Variants in CCNY observed in about 807,000 individuals in gnomAD.
The protein encoded by CCNY is cyclin Y.
A neutral mutation model predicts 42.8 loss-of-function variants in CCNY; 19 were observed. The ratio of observed to expected loss-of-function variants is 0.44; its 90% CI spans 0.31 to 0.65. The LOEUF (loss-of-function observed/expected upper bound fraction) is 0.65, where lower values mean the gene tolerates loss of function less well. Ranked by LOEUF, CCNY falls within the 30% of genes least tolerant of loss-of-function variation. The pLI, the probability that CCNY is intolerant of heterozygous loss-of-function variation, is 0.07. For synonymous variants in CCNY, 165 were observed against 162.7 expected (o/e 1.01, Z -0.11); for missense variants, 370 against 437.3 (o/e 0.85, Z 1.37).
At chr10:35,451,292 A>G (rs1441391776) in intron 1 of CCNY, among the ~76,000 whole-genome samples, 1 of 152,236 alleles carries the variant, frequency 6.6e-6, no homozygotes, top group Admixed American at 6.5e-5. Context: ...TTGCACCGTC[A>G]TGGACTGATA....
At chr10:35,366,271 C>T (rs1836805988) in intron 1 of CCNY, among the ~76,000 whole-genome samples, 1 of 152,112 alleles carries the variant, frequency 6.6e-6, no homozygotes, top group African/African-American at 2.4e-5. Flanking sequence ...AAATTAGATT[C>T]TTTTATTTTG....
At chr10:35,298,430 T>C (rs1835496276) in intron 3 of CCNY, among the ~76,000 whole-genome samples, 1 of 152,252 alleles carries the variant, frequency 6.6e-6, no homozygotes, top group Non-Finnish European at 1.5e-5. Context: ...TCTTTATGTC[T>C]GGCCTTTCAG....
intron 8 of CCNY, among the ~76,000 whole-genome samples, chr10:35,562,565 A>G (rs557321597): frequency 6.6e-6 from 1 of 152,204 alleles, no homozygotes; most frequent in African/African-American, 2.4e-5. Context: ...GGGATCATAC[A>G]GTCTGTGTCC....
rs1364795087 is a variant in CCNY, at chr10:35,368,735, G to A, written c.154+31528G>A. ...GCTGTGGGGTGGGCGGTGTGGCATAGGAGTGCCCTTCCAACTTGGGAATAA... is the reference window on the plus strand; with the variant it reads ...GCTGTGGGGTGGGCGGTGTGGCATAAGAGTGCCCTTCCAACTTGGGAATAA... On this transcript the variant is annotated intron_variant, in intron 1 of 9. Transcript: ENST00000374704. Among the ~76,000 whole-genome samples, 4 of 152,362 alleles carry A rather than the reference G, an allele frequency of 2.6e-5. No homozygotes were observed. In the East Asian group the frequency reaches 5.8e-4, roughly 22 times the overall value.
intron 1 of CCNY, among the ~76,000 whole-genome samples, chr10:35,394,545 A>G (rs1392847783): frequency 1.3e-5 from 2 of 152,208 alleles, no homozygotes; most frequent in East Asian, 1.9e-4. Flanking sequence ...GTTGAAGTGT[A>G]TGGGTCACAC....
At chr10:35,451,809 C>T (rs1398257006) in intron 1 of CCNY, among the ~76,000 whole-genome samples, 3 of 152,150 alleles carry the variant, frequency 2.0e-5, no homozygotes, top group Admixed American at 2.0e-4. Context: ...CACCTCACCT[C>T]CACGCATGGC....
chr10:35,487,320 T>A (rs1839808255), intron 2 of CCNY, among the ~76,000 whole-genome samples: 1 of 152,078 alleles, frequency 6.6e-6, no homozygotes, highest in Admixed American at 6.6e-5. Flanking sequence ...ACTTTGACAG[T>A]AGTTTAGATT....
chr10:35,519,292 G>A (rs1356909696), intron 4 of CCNY, among the ~76,000 whole-genome samples: 2 of 151,892 alleles, frequency 1.3e-5, no homozygotes, highest in Non-Finnish European at 2.9e-5. Context: ...AACAGATCTT[G>A]ATTGAATCTG....
chr10:35,402,407 T>C (rs1837663657), intron 1 of CCNY, among the ~76,000 whole-genome samples: 2 of 152,230 alleles, frequency 1.3e-5, no homozygotes, highest in Admixed American at 6.5e-5. Flanking sequence ...TTCAGTGTTA[T>C]TGTTTGCTTG....
At chr10:35,392,088 G>A (rs549594782) in intron 1 of CCNY, among the ~76,000 whole-genome samples, 41 of 152,264 alleles carry the variant, frequency 2.7e-4, no homozygotes, top group African/African-American at 9.4e-4. Flanking sequence ...TATGTTTATT[G>A]CAGAAAATTT....
intron 1 of CCNY, among the ~76,000 whole-genome samples, chr10:35,410,064 C>T (rs1837870548): frequency 6.6e-6 from 1 of 152,030 alleles, no homozygotes; most frequent in Admixed American, 6.6e-5. Flanking sequence ...GATTGTGCAA[C>T]TTAGATGGTA....
chr10:35,346,079 G>A (rs1177519114), intron 1 of CCNY, among the ~76,000 whole-genome samples: 1 of 152,170 alleles, frequency 6.6e-6, no homozygotes, highest in African/African-American at 2.4e-5. Flanking sequence ...CAAAGAATAG[G>A]ATTTTGAGGC....
intron 1 of CCNY, among the ~76,000 whole-genome samples, chr10:35,344,614 G>A (rs1473613621): frequency 1.3e-5 from 2 of 151,910 alleles, no homozygotes; most frequent in Non-Finnish European, 2.9e-5. Context: ...TAGGGTACAT[G>A]TGCACAATGT....
At position 35,569,463 on chromosome 10, in the gene CCNY, G is replaced by A. The variant is rs1841642421; in HGVS notation, c.*293G>A. On this transcript the variant is annotated 3_prime_UTR_variant, in exon 10 of 10. Transcript: ENST00000374704. ...GAAAGGGAAGTCGTGGAGAGGCAGG[G>A]AAAATGGTTAAGCAGCCCGGCCCTC... The A allele has an allele frequency of 2.3e-6, 1 of 434,364 alleles. No individual in the cohort carries two copies. Among genetic ancestry groups the A allele is most frequent in the Non-Finnish European group, 4.3e-6 (1 of 234,372 alleles). The allele number at this position is 434,364 out of a possible 1,614,324, so 26.9% of individuals were successfully genotyped here.
rs896013551 is a variant in CCNY, at chr10:35,377,916, A to G, written c.154+40709A>G. Among the ~76,000 whole-genome samples, 8 of 152,298 alleles carry G rather than the reference A, an allele frequency of 5.3e-5. 1 individual carries two copies. The highest frequency in any genetic ancestry group is 1.9e-4 in the African/African-American group (8 of 41,558). ...TGCTTCTGTGTCAGTCTTTTGTGCTATGTTGCTTTGTGAAAGTATGTGAAG... is the reference window on the plus strand; with the variant it reads ...TGCTTCTGTGTCAGTCTTTTGTGCTGTGTTGCTTTGTGAAAGTATGTGAAG... On this transcript the variant is annotated intron_variant, in intron 1 of 9. Coordinates refer to ENST00000374704, the MANE Select transcript of CCNY (RefSeq NM_145012.6).
intron 1 of CCNY, among the ~76,000 whole-genome samples, chr10:35,475,329 A>G (rs1839483340): frequency 1.3e-5 from 2 of 152,346 alleles, no homozygotes; most frequent in South Asian, 2.1e-4. Context: ...TCCAAGACAC[A>G]TAATTTTCAA....
chr10:35,308,095 G>A (rs1393225165), intron 3 of CCNY, among the ~76,000 whole-genome samples: 2 of 151,790 alleles, frequency 1.3e-5, no homozygotes, highest in Admixed American at 1.3e-4. Context: ...GGGATTACAG[G>A]CATAAGCCAC....
intron 3 of CCNY, among the ~76,000 whole-genome samples, chr10:35,312,382 CAAAAA>C (rs35909291): frequency 3.3e-5 from 2 of 61,462 alleles, no homozygotes; most frequent in African/African-American, 6.2e-5. Flanking sequence ...CTCTGTGTCA[CAAAAA>C]AAAAAAAAAA....
Position 35,548,379 on chromosome 10 carries a change from G to A in CCNY, c.580-4640G>A, listed in dbSNP as rs190086241. On this transcript the variant is annotated intron_variant, in intron 7 of 9. Coordinates refer to ENST00000374704, the MANE Select transcript of CCNY (RefSeq NM_145012.6). ...AGTTTCACGATCTTGGCTCACTGCA[G>A]CCTCCGCCTCCCGGGTTCAAGCAGT... is the stretch of plus-strand genomic sequence containing the variant. Among the ~76,000 whole-genome samples, 959 of 151,086 alleles carry A rather than the reference G, an allele frequency of 6.3e-3. 13 individuals are homozygous for A. The highest frequency in any genetic ancestry group is 0.022 in the African/African-American group (904 of 41,166).
Sources: gnomAD v4.1 joint callset for allele counts (sites outside exome capture counted in the v4.1 genomes callset) on GRCh38, gnomAD v4.1.1 for gene constraint, MANE v1.5 for transcripts, NCBI Gene and HGNC (gene_info 2026-07-23, HGNC 2026-07-21) for gene names.